Variants in CASZ1 observed in about 807,000 individuals in gnomAD.
The protein encoded by CASZ1 is zinc finger protein castor homolog 1.
Under a neutral mutation model 135.2 loss-of-function variants are expected in CASZ1, and 28 were observed. That is an observed-to-expected ratio of 0.21 (90% CI 0.15 to 0.28). The LOEUF (loss-of-function observed/expected upper bound fraction) is 0.28, where lower values mean the gene tolerates loss of function less well. Ranked by LOEUF, CASZ1 falls within the 10% of genes least tolerant of loss-of-function variation. The pLI, the probability that CASZ1 is intolerant of heterozygous loss-of-function variation, is 1.00. For missense variants in CASZ1, 2,161 were observed against 2,453.3 expected (o/e 0.88, Z 2.52); for synonymous variants, 1,068 against 1,073.4 (o/e 0.99, Z 0.10).
At chr1:10,667,389 G>A (rs1643268973) in intron 4 of CASZ1, among the ~76,000 whole-genome samples, 1 of 152,188 alleles carries the variant, frequency 6.6e-6, no homozygotes, top group Admixed American at 6.5e-5. Flanking sequence ...CCTGGCTTCA[G>A]GGCCTTAGAC....
Position 10,666,987 on chromosome 1 carries a change from G to A in CASZ1, c.17-1416C>T, listed in dbSNP as rs1643256227. On this transcript the variant is annotated intron_variant, in intron 4 of 20. Coordinates refer to ENST00000377022, the MANE Select transcript of CASZ1 (RefSeq NM_001079843.3). The surrounding 1 kb of genome is among the most constrained non-coding windows in gnomAD (Gnocchi z 5.2). ...GTGCCTCTCCATGGCCCTCACGGGAGGAATGGGCGTGTCAGAGTCTCCACA... is the reference window on the plus strand; with the variant it reads ...GTGCCTCTCCATGGCCCTCACGGGAAGAATGGGCGTGTCAGAGTCTCCACA... Among the ~76,000 whole-genome samples the A allele has an allele frequency of 6.6e-6, 1 of 152,232 alleles. No individual in the cohort carries two copies.
chr1:10,695,769 CTGCTGCAGCCATATA>C (rs1474534532), intron 3 of CASZ1, among the ~76,000 whole-genome samples: 1 of 152,150 alleles, frequency 6.6e-6, no homozygotes, highest in Non-Finnish European at 1.5e-5. Context: ...CCAGATGTCC[CTGCTGCAGCCATATA>C]TTTTGAGAGT....
chr1:10,741,657 G>A lies in CASZ1; in HGVS notation c.-77+19044C>T, dbSNP rs1475727802. Among the ~76,000 whole-genome samples the A allele has an allele frequency of 1.3e-5, 2 of 152,068 alleles. No individual in the cohort carries two copies. Among genetic ancestry groups the A allele is most frequent in the African/African-American group, 4.8e-5 (2 of 41,392 alleles). On this transcript the variant is annotated intron_variant, in intron 2 of 20. Transcript: ENST00000377022. This position sits in a 1 kb window ranked among gnomAD's most constrained non-coding sequence, Gnocchi z 5.0. ...CCTCAACTGAGAATCCACAAGGAGG[G>A]AAACAATTTCCCCATCAAACCAGTT...
intron 2 of CASZ1, among the ~76,000 whole-genome samples, chr1:10,742,109 G>A (rs187815327): frequency 6.6e-6 from 1 of 152,198 alleles, no homozygotes; most frequent in Non-Finnish European, 1.5e-5. Context: ...TGACATGAAC[G>A]TGATGTCCCA....
intron 13 of CASZ1, 33 bp downstream of exon 13, chr1:10,650,659 G>C (rs147314317): frequency 1.1e-4 from 171 of 1,577,212 alleles, no homozygotes; most frequent in Non-Finnish European, 1.5e-4. Context: ...CTCTGGGTGG[G>C]GGAACGGGAG....
intron 2 of CASZ1, among the ~76,000 whole-genome samples, chr1:10,722,858 C>CA (rs1416093752): frequency 6.6e-6 from 1 of 152,242 alleles, no homozygotes. Flanking sequence ...CTCTCCCCCC[C>CA]AAAAAGGCCT....
rs1185596190 is a variant in CASZ1, at chr1:10,699,059, T to G, written c.-23-5147A>C. ...GCAAGATGGAGCCTGGGGTTGGGGG[T>G]GGACAGGTATCACACATGGCTCCAT... On this transcript the variant is annotated intron_variant, in intron 3 of 20. Coordinates refer to ENST00000377022, the MANE Select transcript of CASZ1 (RefSeq NM_001079843.3). This position sits in a 1 kb window ranked among gnomAD's most constrained non-coding sequence, Gnocchi z 4.6. Among the ~76,000 whole-genome samples, 1 of 151,858 alleles carries G rather than the reference T, an allele frequency of 6.6e-6. No homozygotes were observed. The highest frequency in any genetic ancestry group is 1.5e-5 in the Non-Finnish European group (1 of 67,952).
In CASZ1 at chr1:10,666,003, C is replaced by T. The variant is rs886499254; in HGVS notation, c.17-432G>A. 4.6e-5 allele frequency among the ~76,000 whole-genome samples: 7 copies of T among 152,238 alleles called. No individual in the cohort carries two copies. In the South Asian group the frequency reaches 6.2e-4, roughly 14 times the overall value. ...ATGCGGTCAGGCTGTCAAGGGACAG[C>T]GTGGCATTCCTGGCAGCTTGTTCCG... On this transcript the variant is annotated intron_variant, in intron 4 of 20. Transcript: ENST00000377022. This position sits in a 1 kb window ranked among gnomAD's most constrained non-coding sequence, Gnocchi z 5.2.
At chr1:10,785,588 C>T (rs185715604) in intron 1 of CASZ1, among the ~76,000 whole-genome samples, 2 of 152,370 alleles carry the variant, frequency 1.3e-5, no homozygotes, top group Admixed American at 6.5e-5. Flanking sequence ...TCTGCTTCTC[C>T]TCCTGGCCCC....
At chr1:10,779,998 GC>G (rs1557567521) in intron 1 of CASZ1, among the ~76,000 whole-genome samples, 1 of 152,054 alleles carries the variant, frequency 6.6e-6, no homozygotes, top group Non-Finnish European at 1.5e-5. Flanking sequence ...CCAACACCCC[GC>G]CCACCCTGAG....
chr1:10,655,996 C>T (rs1642777380), intron 8 of CASZ1, among the ~76,000 whole-genome samples, 183 bp from the exon 9 acceptor site: 1 of 152,220 alleles, frequency 6.6e-6, no homozygotes, highest in Non-Finnish European at 1.5e-5. Context: ...TGGAGGGAAC[C>T]ATCCCAAAGG....
chr1:10,648,159 G>A lies in CASZ1; in HGVS notation c.3159-20C>T, dbSNP rs1190577709. On this transcript the variant is annotated intron_variant, in intron 15 of 20. Coordinates refer to ENST00000377022, the MANE Select transcript of CASZ1 (RefSeq NM_001079843.3). ...TGGAAGCTGCGAGAGGTAGAAGAGG[G>A]GGTCTCATGGGGGGCAGTGAAGACA... The A allele has an allele frequency of 6.8e-7, 1 of 1,471,268 alleles. No homozygotes were observed. The highest frequency in any genetic ancestry group is 9.1e-7 in the Non-Finnish European group (1 of 1,102,308). The allele number at this position is 1,471,268 out of a possible 1,614,324, so 91.1% of individuals were successfully genotyped here.
At chr1:10,783,204 G>A (rs1250839978) in intron 1 of CASZ1, among the ~76,000 whole-genome samples, 1 of 151,936 alleles carries the variant, frequency 6.6e-6, no homozygotes, top group Non-Finnish European at 1.5e-5. Flanking sequence ...TTTAATATTT[G>A]GGGTTTTATT....
At chr1:10,746,902 A>G (rs926050414) in intron 2 of CASZ1, among the ~76,000 whole-genome samples, 1 of 151,784 alleles carries the variant, frequency 6.6e-6, no homozygotes, top group Non-Finnish European at 1.5e-5. Context: ...CACCTTCCCC[A>G]CTCCCAGGAG....
Position 10,647,441 on chromosome 1 carries a change from G to A in CASZ1, c.3497+360C>T. 11 of 1,177,818 alleles carry A rather than the reference G, an allele frequency of 9.3e-6. No individual in the cohort carries two copies. The highest frequency in any genetic ancestry group is 1.2e-5 in the Non-Finnish European group (11 of 942,992). The allele number at this position is 1,177,818 out of a possible 1,614,324, so 73.0% of individuals were successfully genotyped here. ...GCCATGGGTGTGAGCCACAGAGGAGGCCAATACGGAGGCTCGGAGGGAGAC... is the reference window on the plus strand; with the variant it reads ...GCCATGGGTGTGAGCCACAGAGGAGACCAATACGGAGGCTCGGAGGGAGAC... On this transcript the variant is annotated intron_variant, in intron 16 of 20. Transcript: ENST00000377022. This position sits in a 1 kb window ranked among gnomAD's most constrained non-coding sequence, Gnocchi z 4.9.
At chr1:10,765,448 T>C (rs1021065555) in intron 1 of CASZ1, among the ~76,000 whole-genome samples, 13 of 151,972 alleles carry the variant, frequency 8.6e-5, no homozygotes, top group Middle Eastern at 6.8e-3. Flanking sequence ...CCATGATGTG[T>C]TGTGGCACGA....
In CASZ1 at chr1:10,711,585, C is replaced by CAAAAAAAAAAAAAAAAGAAAAA. The variant is rs1557525296; in HGVS notation, c.-76-6063_-76-6042dup. 1.0e-5 allele frequency among the ~76,000 whole-genome samples: 1 copy of CAAAAAAAAAAAAAAAAGAAAAA among 97,582 alleles called. No homozygotes were observed. 64.0% of individuals were successfully genotyped at this position (97,582 alleles called of 152,430 possible). The stretch of plus-strand genomic sequence containing the variant: ...CCAGAAAAAATGGAAAACAGGTACT[C>CAAAAAAAAAAAAAAAAGAAAAA]AAAAAAAAAAAAAAAAGAAAAACAA... On this transcript the variant is annotated intron_variant, in intron 2 of 20. Coordinates refer to ENST00000377022, the MANE Select transcript of CASZ1 (RefSeq NM_001079843.3). This position sits in a 1 kb window ranked among gnomAD's most constrained non-coding sequence, Gnocchi z 4.4.
rs776282139 is a variant in CASZ1, at chr1:10,649,357, C to T, written c.2961G>A (p.Ser987=). The stretch of plus-strand genomic sequence containing the variant: ...CCTTCACGGCCTTGCCTAGGAAGGG[C>T]GAGGGCTCCGCAGCGGGGCTCCCCT... ...EAEGSPAAEP[S]PFLGKAVKAL... The change falls in exon 14 of 21, where the codon TCG becomes TCA. Residue 987 remains serine (S), a synonymous_variant. Transcript: ENST00000377022. The T allele has an allele frequency of 1.4e-5, 22 of 1,602,458 alleles. No individual in the cohort carries two copies. The highest frequency in any genetic ancestry group is 2.7e-5 in the African/African-American group (2 of 74,680).
chr1:10,754,210 C>G (rs1366467403), intron 2 of CASZ1, among the ~76,000 whole-genome samples: 2 of 152,228 alleles, frequency 1.3e-5, no homozygotes, highest in Non-Finnish European at 2.9e-5. Flanking sequence ...GCCTCTCACT[C>G]CCTATTCTAG....
Sources: allele counts gnomAD v4.1 joint callset (sites outside exome capture counted in the v4.1 genomes callset), GRCh38; gene constraint gnomAD v4.1.1; non-coding constraint Gnocchi (gnomAD v3.1); transcripts MANE v1.5; gene names NCBI Gene and HGNC (gene_info 2026-07-23, HGNC 2026-07-21).